The following PSD4 variants were observed in gnomAD, a reference collection of about 807,000 sequenced individuals.
PSD4 encodes pleckstrin and Sec7 domain containing 4, also known as PH and SEC7 domain-containing protein 4.
A neutral mutation model predicts 112.5 loss-of-function variants in PSD4; 59 were observed. That is an observed-to-expected ratio of 0.52 (90% CI 0.43 to 0.65). PSD4 has a LOEUF of 0.65. Ranked by LOEUF, PSD4 falls within the 30% of genes least tolerant of loss-of-function variation. The pLI is 0.00. For synonymous variants in PSD4, 533 were observed against 540.0 expected (o/e 0.99, Z 0.18); for missense variants, 1,267 against 1,352.6 (o/e 0.94, Z 0.99).
rs1329196524 is a variant in PSD4, at chr2:113,185,452, T to C, written c.1249+12T>C. On this transcript the variant is annotated intron_variant, in intron 4 of 16. Coordinates refer to ENST00000245796, the MANE Select transcript of PSD4 (RefSeq NM_012455.3). ...CTCCCAGGACAGAGGTGAGCCCTAA[T>C]AAGGGGGTTTGGGAAATTGGGTCCT... is the stretch of plus-strand genomic sequence containing the variant. 50 of 1,614,128 alleles carry C rather than the reference T, an allele frequency of 3.1e-5. No individual in the cohort carries two copies. Among genetic ancestry groups the C allele is most frequent in the Non-Finnish European group, 4.2e-5 (49 of 1,180,002 alleles).
At chr2:113,194,761 G>A (rs1688548410) in intron 10 of PSD4, among the ~76,000 whole-genome samples, 1 of 152,170 alleles carries the variant, frequency 6.6e-6, no homozygotes, top group Non-Finnish European at 1.5e-5. Flanking sequence ...TGATAGAAAA[G>A]ATTAAAAATG....
chr2:113,192,341 A>G, intron 5 of PSD4, 39 bp from the exon 6 acceptor site: 1 of 1,596,384 alleles, frequency 6.3e-7, no homozygotes, highest in Non-Finnish European at 8.6e-7. Context: ...CTGACCTGCA[A>G]GAACACTTGA....
chr2:113,185,098 C>G (rs769700785), intron 3 of PSD4, 25 bp downstream of exon 3: 20 of 1,613,760 alleles, frequency 1.2e-5, no homozygotes, highest in Non-Finnish European at 1.6e-5. Flanking sequence ...CTTTCTGGGC[C>G]TTACTTTCTC....
chr2:113,203,039 T>C lies in PSD4; in HGVS notation c.*1624T>C, dbSNP rs1558664161. The C allele has an allele frequency of 6.6e-6, 1 of 152,324 alleles. No individual in the cohort carries two copies. Among genetic ancestry groups the C allele is most frequent in the Non-Finnish European group, 1.5e-5 (1 of 68,066 alleles). The allele number at this position is 152,324 out of a possible 1,614,324, so 9.4% of individuals were successfully genotyped here. A position where few individuals can be genotyped will look rare whatever the true frequency, so the allele number is the denominator to read the frequency against. On this transcript the variant is annotated 3_prime_UTR_variant, in exon 17 of 17. Transcript: ENST00000245796. The stretch of plus-strand genomic sequence containing the variant: ...TGTCTGTGCATGTGTGTAGTGTCTG[T>C]GTCTGTGTGTTCATGCATATGCAGG...
rs1364935233 is a variant in PSD4, at chr2:113,183,326, C to T, written c.870C>T (p.Pro290=). The part of the protein sequence containing the change: ...GPESPATLEP[P]LPEDTVLWEL... The stretch of plus-strand genomic sequence containing the variant: ...AGAGCCCAGCGACTCTGGAGCCTCC[C>T]CTCCCAGAAGACACAGTGCTGTGGG... The change falls in exon 2 of 17, where the codon CCC becomes CCT. Residue 290 remains proline, a synonymous_variant. Transcript: ENST00000245796. 22 of 1,605,442 alleles carry T rather than the reference C, an allele frequency of 1.4e-5. No individual in the cohort carries two copies. The highest frequency in any genetic ancestry group is 1.7e-5 in the Non-Finnish European group (20 of 1,175,282).
At chr2:113,182,311 C>G (rs186898843) in intron 1 of PSD4, 35 bp from the exon 2 acceptor site, 33 of 769,564 alleles carry the variant, frequency 4.3e-5, no homozygotes, top group African/African-American at 3.5e-4. Flanking sequence ...GCTGACAGCC[C>G]TTCCCTAACC....
chr2:113,198,220 T>C, intron 14 of PSD4: 1 of 353,784 alleles, frequency 2.8e-6, no homozygotes, highest in East Asian at 4.5e-5. Flanking sequence ...TGATTGACCA[T>C]ATCTGGCATT....
In PSD4 at chr2:113,182,354, T is replaced by G; in HGVS notation, c.-103T>G. 2 of 1,161,592 alleles carry G rather than the reference T, an allele frequency of 1.7e-6. No individual in the cohort carries two copies. Among genetic ancestry groups the G allele is most frequent in the Non-Finnish European group, 2.4e-6 (2 of 818,058 alleles). 72.0% of individuals were successfully genotyped at this position (1,161,592 alleles called of 1,614,324 possible). Reference sequence around the variant, plus strand: ...GCTTTGGGCATTTCCAGGGTAGATATGGATTCCCAGTTTCTCCAGCGGCCA... The same window carrying G: ...GCTTTGGGCATTTCCAGGGTAGATAGGGATTCCCAGTTTCTCCAGCGGCCA... On this transcript the variant is annotated 5_prime_UTR_variant, in exon 2 of 17. The change abolishes an upstream ATG in the 5' untranslated region. Coordinates refer to ENST00000245796, the MANE Select transcript of PSD4 (RefSeq NM_012455.3).
At chr2:113,200,444 T>TTCAAGGTCCCAGGCTA (rs1688743982) in intron 16 of PSD4, among the ~76,000 whole-genome samples, 1 of 152,300 alleles carries the variant, frequency 6.6e-6, no homozygotes, top group Admixed American at 6.5e-5. Context: ...CTGCCTGTCT[T>TTCAAGGTCCCAGGCTA]TCAAGGTCCC....
In PSD4 at chr2:113,195,887, G is replaced by T. The variant is rs558442071; in HGVS notation, c.2225+117G>T. On this transcript the variant is annotated intron_variant, in intron 11 of 16. Transcript: ENST00000245796. ...ACTCAGATAGTGCTCCCCTTGGAGT[G>T]AGGCAAAGCCAGAGGCAGGGCTCTG... 34 of 1,409,110 alleles carry T rather than the reference G, an allele frequency of 2.4e-5. No individual in the cohort carries two copies. In the South Asian group the frequency reaches 4.2e-4, roughly 17 times the overall value. The allele number at this position is 1,409,110 out of a possible 1,614,324, so 87.3% of individuals were successfully genotyped here.
chr2:113,190,733 G>A (rs1270545587), intron 5 of PSD4, among the ~76,000 whole-genome samples: 2 of 152,154 alleles, frequency 1.3e-5, no homozygotes, highest in Admixed American at 6.6e-5. Context: ...GGGATTATAG[G>A]CATGAGCCAC....
In PSD4 at chr2:113,195,679, C is replaced by G. The variant is rs527944948; in HGVS notation, c.2182-48C>G. The G allele has an allele frequency of 4.3e-6, 7 of 1,610,502 alleles. No individual in the cohort carries two copies. The African/African-American group carries it at 9.3e-5, about 21-fold the overall frequency. ...CTCTGCCAGACAAAGAGACTTTAGGCTCCACAGCCCTGAGGCTCCCCTGCC... is the reference window on the plus strand; with the variant it reads ...CTCTGCCAGACAAAGAGACTTTAGGGTCCACAGCCCTGAGGCTCCCCTGCC... On this transcript the variant is annotated intron_variant, in intron 10 of 16. Transcript: ENST00000245796.
chr2:113,191,347 C>T (rs780861605), intron 5 of PSD4, among the ~76,000 whole-genome samples: 14 of 152,210 alleles, frequency 9.2e-5, no homozygotes, highest in Non-Finnish European at 1.9e-4. Context: ...ACAATATCAG[C>T]TCACTGGAAT....
intron 9 of PSD4, 97 bp downstream of exon 9, chr2:113,193,747 C>G: frequency 6.4e-7 from 1 of 1,558,490 alleles, no homozygotes; most frequent in Non-Finnish European, 8.8e-7. Context: ...GGGAACACCC[C>G]TGAGGGATGT....
intron 5 of PSD4, among the ~76,000 whole-genome samples, chr2:113,191,033 T>A (rs1688429335): frequency 6.6e-6 from 1 of 152,218 alleles, no homozygotes; most frequent in Non-Finnish European, 1.5e-5. Flanking sequence ...AAACTTCCCT[T>A]TTCAGAGGCT....
rs1203763843 is a variant in PSD4, at chr2:113,204,521, G to A, written c.*3106G>A. The stretch of plus-strand genomic sequence containing the variant: ...CACCTGTGTCCTTCTCTTTGCAGGA[G>A]AAGGGACAGACAGAGGTTCTCAGTG... On this transcript the variant is annotated 3_prime_UTR_variant, in exon 17 of 17. Transcript: ENST00000245796. 2 of 152,390 alleles carry A rather than the reference G, an allele frequency of 1.3e-5. No individual in the cohort carries two copies. The highest frequency in any genetic ancestry group is 2.9e-5 in the Non-Finnish European group (2 of 68,168). 9.4% of individuals were successfully genotyped at this position (152,390 alleles called of 1,614,324 possible).
Position 113,196,239 on chromosome 2 carries a change from C to T in PSD4, c.2318C>T (p.Pro773Leu). ...SKPFLQLAQD[P>L]TVPTYKQGIL... ...CCCTTCCTTCAGCTGGCTCAGGATC[C>T]CACAGTGCCCACCTACAAGCAGGGC... The change falls in exon 12 of 17, where the codon CCC (proline) becomes CTC (leucine). Residue 773 changes from proline (P) to leucine (L), a missense_variant. Physicochemically the swap from Pro to Leu is moderately conservative, Grantham distance 98. Transcript: ENST00000245796. 2 of 1,614,140 alleles carry T rather than the reference C, an allele frequency of 1.2e-6. No homozygotes were observed. The highest frequency in any genetic ancestry group is 1.7e-6 in the Non-Finnish European group (2 of 1,179,986).
chr2:113,177,458 C>T (rs1270336934), intron 1 of PSD4, among the ~76,000 whole-genome samples: 4 of 152,190 alleles, frequency 2.6e-5, no homozygotes, highest in Admixed American at 6.5e-5. Flanking sequence ...GTTTGAGTGA[C>T]TCAAGTGAAT....
chr2:113,201,580 C>A lies in PSD4; in HGVS notation c.*165C>A. 9.9e-7 allele frequency: 1 copy of A among 1,005,968 alleles called. No homozygotes were observed. The highest frequency in any genetic ancestry group is 1.6e-5 in the African/African-American group (1 of 61,578). The allele number at this position is 1,005,968 out of a possible 1,614,324, so 62.3% of individuals were successfully genotyped here. A position where few individuals can be genotyped will look rare whatever the true frequency, so the allele number is the denominator to read the frequency against. On this transcript the variant is annotated 3_prime_UTR_variant, in exon 17 of 17. Transcript: ENST00000245796. ...CCTGTGGCCCTCATTCTTGTGCTCC[C>A]TGAAGCTTTCCTAATATTGCTGTGC... is the stretch of plus-strand genomic sequence containing the variant.
Sources: gnomAD v4.1 joint callset for allele counts (sites outside exome capture counted in the v4.1 genomes callset) on GRCh38, gnomAD v4.1.1 for gene constraint, MANE v1.5 for transcripts, NCBI Gene and HGNC (gene_info 2026-07-23, HGNC 2026-07-21) for gene names.